Variants in PHACTR4 observed in about 807,000 individuals in gnomAD.
The protein encoded by PHACTR4 is phosphatase and actin regulator 4, also known as protein phosphatase 1, regulatory subunit 124.
Under a neutral mutation model 72.7 loss-of-function variants are expected in PHACTR4, and 51 were observed. The observed-to-expected ratio is 0.70, with a 90% CI of 0.56 to 0.89. PHACTR4 has a LOEUF of 0.89. Ranked by LOEUF, PHACTR4 falls within the 40% of genes least tolerant of loss-of-function variation. PHACTR4 has a pLI of 0.00. For synonymous variants in PHACTR4, 255 were observed against 302.5 expected, an observed-to-expected ratio of 0.84 and a Z score of 1.63; for missense variants, 731 against 861.8, an observed-to-expected ratio of 0.85 and a Z score of 1.90.
chr1:28,495,526 C>A (rs775962621), intron 13 of PHACTR4, among the ~76,000 whole-genome samples: 1 of 151,918 alleles, frequency 6.6e-6, no homozygotes, highest in African/African-American at 2.4e-5. Flanking sequence ...AGATATGCAG[C>A]CTAGAATCCA....
chr1:28,476,436 A>T, intron 8 of PHACTR4, 145 bp downstream of exon 8: 1 of 764,134 alleles, frequency 1.3e-6, no homozygotes, highest in Non-Finnish European at 2.0e-6. Flanking sequence ...AGCCACTGTG[A>T]AGGACTCCTT....
chr1:28,455,936 A>G (rs1248166736), intron 2 of PHACTR4, among the ~76,000 whole-genome samples: 5 of 152,176 alleles, frequency 3.3e-5, no homozygotes, highest in African/African-American at 1.2e-4. Context: ...AAAAGTGAAA[A>G]TCAAGCACAT....
chr1:28,396,530 CAAA>C (rs888182603), intron 1 of PHACTR4, among the ~76,000 whole-genome samples: 1 of 137,608 alleles, frequency 7.3e-6, no homozygotes, highest in Non-Finnish European at 1.6e-5. Flanking sequence ...AACTCTGTCT[CAAA>C]AAAAAAAGAA....
At chr1:28,425,429 T>C (rs2124355911) in intron 2 of PHACTR4, among the ~76,000 whole-genome samples, 1 of 152,298 alleles carries the variant, frequency 6.6e-6, no homozygotes, top group East Asian at 1.9e-4. Flanking sequence ...AACAAAGTGC[T>C]TTTGAATTAC....
At chr1:28,448,050 A>G (rs558490901) in intron 2 of PHACTR4, among the ~76,000 whole-genome samples, 1 of 152,324 alleles carries the variant, frequency 6.6e-6, no homozygotes, top group Admixed American at 6.5e-5. Context: ...AATACCATAA[A>G]TGAATGTTCT....
intron 2 of PHACTR4, among the ~76,000 whole-genome samples, chr1:28,454,300 G>A (rs976437454): frequency 2.4e-5 from 3 of 127,412 alleles, no homozygotes; most frequent in East Asian, 2.2e-4. Context: ...TTTTTGAGAC[G>A]GAGTCTCGCT....
At chr1:28,484,518 G>A (rs997766038) in intron 9 of PHACTR4, among the ~76,000 whole-genome samples, 1 of 151,412 alleles carries the variant, frequency 6.6e-6, no homozygotes. Flanking sequence ...ATGTGTGTAT[G>A]TGTATATATG....
chr1:28,481,557 A>C (rs1229097461), intron 9 of PHACTR4: 1 of 152,142 alleles, frequency 6.6e-6, no homozygotes, highest in Non-Finnish European at 1.5e-5. Flanking sequence ...CGGGAGGCTG[A>C]GGTAGGCAGA....
chr1:28,404,275 C>G (rs986219177), intron 1 of PHACTR4, among the ~76,000 whole-genome samples: 4 of 123,016 alleles, frequency 3.3e-5, no homozygotes, highest in African/African-American at 1.3e-4. Flanking sequence ...GTATGAACAT[C>G]CTTTTTTTTT....
At chr1:28,452,860 T>G (rs1658075688) in intron 2 of PHACTR4, among the ~76,000 whole-genome samples, 1 of 152,108 alleles carries the variant, frequency 6.6e-6, no homozygotes, top group African/African-American at 2.4e-5. Flanking sequence ...GGCTCACGCC[T>G]GTAATCCCAG....
intron 2 of PHACTR4, among the ~76,000 whole-genome samples, chr1:28,429,971 A>C (rs966676025): frequency 6.6e-6 from 1 of 151,490 alleles, no homozygotes; most frequent in Non-Finnish European, 1.5e-5. Context: ...TTATCCCTTG[A>C]TGCTTGTACC....
intron 1 of PHACTR4, among the ~76,000 whole-genome samples, chr1:28,380,542 G>A (rs2124139144): frequency 6.6e-6 from 1 of 152,220 alleles, no homozygotes; most frequent in Middle Eastern, 3.4e-3. Context: ...AGTGAGTGTT[G>A]TTCCCCTCTG....
At chr1:28,483,133 G>A (rs1660386505) in intron 9 of PHACTR4, among the ~76,000 whole-genome samples, 1 of 152,034 alleles carries the variant, frequency 6.6e-6, no homozygotes, top group Non-Finnish European at 1.5e-5. Context: ...GCTGGGCACG[G>A]TGGCTCACTC....
At chr1:28,396,720 G>A (rs148048015) in intron 1 of PHACTR4, among the ~76,000 whole-genome samples, 12 of 148,758 alleles carry the variant, frequency 8.1e-5, no homozygotes, top group African/African-American at 2.7e-4. Flanking sequence ...GTGCAATGGC[G>A]CAATCTCGGC....
chr1:28,424,872 C>T (rs1035696475), intron 2 of PHACTR4, among the ~76,000 whole-genome samples: 10 of 151,834 alleles, frequency 6.6e-5, no homozygotes, highest in Non-Finnish European at 1.2e-4. Context: ...AGGCTCACTG[C>T]AACCTCTTCC....
At chr1:28,448,782 A>AC (rs1305230846) in intron 2 of PHACTR4, among the ~76,000 whole-genome samples, 2 of 145,778 alleles carry the variant, frequency 1.4e-5, no homozygotes, top group Non-Finnish European at 3.0e-5. Context: ...AAAAAAAAAA[A>AC]AAACCTGATA....
In PHACTR4 at chr1:28,481,860, T is replaced by C. The variant is rs766363435; in HGVS notation, c.1760+1256T>C. On this transcript the variant is annotated intron_variant, in intron 9 of 13. Transcript: ENST00000373839. ...ACACAGTTGGGTATCCTCTAAGAAT[T>C]TGGAAATTGAAGATGTAGCTGCCTG... Among the ~76,000 whole-genome samples the C allele has an allele frequency of 1.4e-4, 22 of 151,936 alleles. No homozygotes were observed. In the South Asian group the frequency reaches 2.7e-3, roughly 19 times the overall value.
At chr1:28,479,410 ACT>A (rs1462126457) in intron 8 of PHACTR4, among the ~76,000 whole-genome samples, 1 of 122,944 alleles carries the variant, frequency 8.1e-6, no homozygotes, top group Non-Finnish European at 1.6e-5. Context: ...ACAGAGCGAG[ACT>A]CTGTCGCAAA....
At chr1:28,420,513 A>G (rs969656256) in intron 2 of PHACTR4, among the ~76,000 whole-genome samples, 1 of 152,178 alleles carries the variant, frequency 6.6e-6, no homozygotes, top group Non-Finnish European at 1.5e-5. Context: ...TGAGTCAATT[A>G]AACCCCTTTC....
Sources: allele counts gnomAD v4.1 joint callset (sites outside exome capture counted in the v4.1 genomes callset), GRCh38; gene constraint gnomAD v4.1.1; transcripts MANE v1.5; gene names NCBI Gene and HGNC (gene_info 2026-07-23, HGNC 2026-07-21).